Variants in AFF2 observed in about 807,000 individuals in gnomAD.
AFF2 encodes ALF transcription elongation factor 2, also known as AF4/FMR2 family member 2.
AFF2 carries 14 observed loss-of-function variants against 76.9 expected under a neutral mutation model. The ratio of observed to expected loss-of-function variants is 0.18; its 90% CI spans 0.12 to 0.28. The LOEUF is 0.28. Among genes scored for constraint, AFF2 ranks in the 10% least tolerant of loss-of-function variants. AFF2 has a pLI of 1.00. For synonymous variants in AFF2, 398 were observed against 366.7 expected, an observed-to-expected ratio of 1.09 and a Z score of -0.98; for missense variants, 868 against 1,001.1, an observed-to-expected ratio of 0.87 and a Z score of 1.79.
chrX:148,630,349 G>A (rs1205666976), intron 1 of AFF2, among the ~76,000 whole-genome samples: 2 of 111,994 alleles, frequency 1.8e-5, no homozygotes, highest in Non-Finnish European at 3.8e-5. Flanking sequence ...TTGGGGAGCA[G>A]TTTTGAGTGA....
intron 3 of AFF2, among the ~76,000 whole-genome samples, chrX:148,676,188 T>C (rs1442946858): frequency 9.2e-6 from 1 of 108,238 alleles, no homozygotes; most frequent in African/African-American, 3.4e-5. Context: ...GCCTCCCAAG[T>C]AGCTGGGACT....
intron 1 of AFF2, among the ~76,000 whole-genome samples, chrX:148,623,620 T>TATATATATATA (rs1569552301): frequency 9.2e-6 from 1 of 108,277 alleles, no homozygotes; most frequent in Non-Finnish European, 1.9e-5. Context: ...TATATATATA[T>TATATATATATA]TTAACTTGGT....
At position 148,646,859 on chromosome X, in the gene AFF2, C is replaced by T. The variant is rs782373202; in HGVS notation, c.48-5140C>T. Among the ~76,000 whole-genome samples, 259 of 111,776 alleles carry T rather than the reference C, an allele frequency of 2.3e-3. 2 individuals are homozygous for T. The highest frequency in any genetic ancestry group is 3.7e-3 in the Non-Finnish European group (199 of 53,128). On this transcript the variant is annotated intron_variant, in intron 1 of 20. Coordinates refer to ENST00000370460, the MANE Select transcript of AFF2 (RefSeq NM_002025.4). ...TTTGCACACCTCCAGATCCAAGGTTCTTGTGTTTTTACTCTATATGTGTAA... is the reference window on the plus strand; with the variant it reads ...TTTGCACACCTCCAGATCCAAGGTTTTTGTGTTTTTACTCTATATGTGTAA...
intron 1 of AFF2, among the ~76,000 whole-genome samples, chrX:148,623,937 G>A (rs1557251643): frequency 1.8e-5 from 2 of 111,002 alleles, no homozygotes; most frequent in Admixed American, 1.9e-4. Flanking sequence ...GTTGGTAGAA[G>A]GTCTGTGATA....
At chrX:148,875,839 T>C (rs1252776806) in intron 7 of AFF2, among the ~76,000 whole-genome samples, 1 of 111,482 alleles carries the variant, frequency 9.0e-6, no homozygotes, top group Non-Finnish European at 1.9e-5. Flanking sequence ...CAAATAGACA[T>C]TTCATTATCA....
chrX:148,563,006 G>A (rs1404926696), intron 1 of AFF2, among the ~76,000 whole-genome samples: 1 of 112,252 alleles, frequency 8.9e-6, no homozygotes, highest in Admixed American at 9.4e-5. Context: ...TTTAGCCTTG[G>A]TTGTCTGAGA....
chrX:148,709,035 C>G (rs1321171600), intron 3 of AFF2, among the ~76,000 whole-genome samples: 3 of 111,191 alleles, frequency 2.7e-5, no homozygotes, highest in Non-Finnish European at 5.7e-5. Flanking sequence ...TGTGAATAAT[C>G]ATGTGAAATG....
intron 1 of AFF2, among the ~76,000 whole-genome samples, chrX:148,607,233 A>G (rs1557248899): frequency 9.0e-6 from 1 of 111,457 alleles, no homozygotes. Flanking sequence ...TCTTTAGAAT[A>G]GAGATATAAA....
intron 4 of AFF2, among the ~76,000 whole-genome samples, chrX:148,813,321 T>C (rs1369582787): frequency 8.9e-6 from 1 of 111,871 alleles, no homozygotes; most frequent in Non-Finnish European, 1.9e-5. Context: ...TTAAACAAAC[T>C]TGCTTCAGAC....
At chrX:148,919,334 T>C (rs782777527) in intron 9 of AFF2, among the ~76,000 whole-genome samples, 4 of 110,903 alleles carry the variant, frequency 3.6e-5, no homozygotes, top group Non-Finnish European at 7.6e-5. Flanking sequence ...CTTTGTGTCA[T>C]TCAAAGAATA....
At chrX:148,757,212 A>T (rs189403982) in intron 3 of AFF2, among the ~76,000 whole-genome samples, 45 of 112,343 alleles carry the variant, frequency 4.0e-4, no homozygotes, top group Non-Finnish European at 5.6e-5. Context: ...AAATATACCC[A>T]TTCATTTACA....
chrX:148,565,467 A>AAATACATT (rs1557241497), intron 1 of AFF2, among the ~76,000 whole-genome samples: 1 of 111,759 alleles, frequency 8.9e-6, no homozygotes, highest in Non-Finnish European at 1.9e-5. Flanking sequence ...TAAGAGTTTT[A>AAATACATT]AATACATTGT....
chrX:148,653,863 A>G lies in AFF2; in HGVS notation c.180+1732A>G, dbSNP rs782765662. ...AGGAGAACATGGTTGCTGCTTGTAGAGAAAAAACAATTAATTTAGTTTTGA... is the reference window on the plus strand; with the variant it reads ...AGGAGAACATGGTTGCTGCTTGTAGGGAAAAAACAATTAATTTAGTTTTGA... On this transcript the variant is annotated intron_variant, in intron 2 of 20. Transcript: ENST00000370460. Among the ~76,000 whole-genome samples the G allele has an allele frequency of 8.0e-5, 9 of 111,812 alleles. No individual in the cohort carries two copies. In the South Asian group the frequency reaches 3.4e-3, roughly 42 times the overall value.
intron 8 of AFF2, among the ~76,000 whole-genome samples, chrX:148,893,170 A>G (rs1395991379): frequency 8.9e-6 from 1 of 112,407 alleles, no homozygotes; most frequent in Non-Finnish European, 1.9e-5. Context: ...TAATTTATTC[A>G]TTAAAGACAG....
At chrX:148,609,603 T>C (rs1557249232) in intron 1 of AFF2, among the ~76,000 whole-genome samples, 1 of 111,994 alleles carries the variant, frequency 8.9e-6, no homozygotes, top group Non-Finnish European at 1.9e-5. Flanking sequence ...TTCTGTACTT[T>C]GTAATTCCTT....
At chrX:148,617,502 A>G (rs1265892298) in intron 1 of AFF2, among the ~76,000 whole-genome samples, 3 of 110,860 alleles carry the variant, frequency 2.7e-5, no homozygotes, top group Non-Finnish European at 1.9e-5. Flanking sequence ...GGTTGCAAAA[A>G]TTTTCTCCCA....
chrX:148,673,090 C>G, intron 3 of AFF2, among the ~76,000 whole-genome samples: 1 of 112,156 alleles, frequency 8.9e-6, no homozygotes, highest in Middle Eastern at 4.6e-3. Flanking sequence ...TTCATAGACA[C>G]TAAATGGGTG....
chrX:148,564,242 A>C (rs1557241255), intron 1 of AFF2, among the ~76,000 whole-genome samples: 1 of 111,163 alleles, frequency 9.0e-6, no homozygotes, highest in Non-Finnish European at 1.9e-5. Context: ...ATCCCAGATA[A>C]GTTTTAAATA....
intron 7 of AFF2, among the ~76,000 whole-genome samples, chrX:148,850,683 G>A (rs1460782414): frequency 1.8e-5 from 2 of 112,629 alleles, no homozygotes; most frequent in African/African-American, 6.4e-5. Context: ...CATGTGCACA[G>A]TGAATGATAA....
Sources: allele counts gnomAD v4.1 joint callset (sites outside exome capture counted in the v4.1 genomes callset), GRCh38; gene constraint gnomAD v4.1.1; transcripts MANE v1.5; gene names NCBI Gene and HGNC (gene_info 2026-07-23, HGNC 2026-07-21).